PPP1R9A: variants seen among roughly 807,000 people sequenced by gnomAD.
PPP1R9A encodes the protein protein phosphatase 1 regulatory subunit 9A, also known as neurabin-1.
PPP1R9A carries 59 observed loss-of-function variants against 141.9 expected under a neutral mutation model. That is an observed-to-expected ratio of 0.42 (90% CI 0.34 to 0.52). PPP1R9A has a LOEUF of 0.52. Among genes scored for constraint, PPP1R9A ranks in the 20% least tolerant of loss-of-function variants. The pLI, the probability that PPP1R9A is intolerant of heterozygous loss-of-function variation, is 0.10. For missense variants in PPP1R9A, 1,444 were observed against 1,611.9 expected (o/e 0.90, Z 1.78); for synonymous variants, 500 against 569.7 (o/e 0.88, Z 1.74).
intron 18 of PPP1R9A, 35 bp from the exon 19 acceptor site, chr7:95,288,501 T>A (rs1472477931): frequency 1.4e-5 from 22 of 1,603,844 alleles, no homozygotes; most frequent in Non-Finnish European, 1.9e-5. Flanking sequence ...AGTATCTTGG[T>A]CCTTTAACAA....
intron 4 of PPP1R9A, among the ~76,000 whole-genome samples, chr7:95,144,994 A>G (rs534948134): frequency 1.1e-4 from 17 of 152,330 alleles, no homozygotes; most frequent in African/African-American, 3.6e-4. Flanking sequence ...ATAACATCAA[A>G]AAGAATAAAA....
chr7:95,269,318 G>GATAGCA lies in PPP1R9A; in HGVS notation c.2938_2943dup (p.Ser980_Asn981dup). On this transcript the variant is annotated inframe_insertion, in exon 14 of 20. Coordinates refer to ENST00000433360, the MANE Select transcript of PPP1R9A (RefSeq NM_001166160.2). Reference sequence around the variant, plus strand: ...TGGTGTTCCACCCCTCACCCCGGTGGATAGCAATGTGCCCTTCTCGTCTGA... The same window carrying GATAGCA: ...TGGTGTTCCACCCCTCACCCCGGTGGATAGCAATAGCAATGTGCCCTTCTCGTCTGA... The GATAGCA allele has an allele frequency of 6.3e-7, 1 of 1,598,376 alleles. No individual in the cohort carries two copies.
intron 6 of PPP1R9A, among the ~76,000 whole-genome samples, chr7:95,199,543 T>C (rs1425676702): frequency 6.6e-6 from 1 of 152,224 alleles, no homozygotes; most frequent in Non-Finnish European, 1.5e-5. Context: ...CTCATGAATA[T>C]GTGGTATAAT....
At chr7:95,031,368 A>G (rs1807656777) in intron 2 of PPP1R9A, among the ~76,000 whole-genome samples, 1 of 152,218 alleles carries the variant, frequency 6.6e-6, no homozygotes, top group South Asian at 2.1e-4. Context: ...TATTTAAAGA[A>G]ACCCTATTTG....
At chr7:95,152,225 C>A (rs1828831291) in intron 4 of PPP1R9A, among the ~76,000 whole-genome samples, 1 of 152,082 alleles carries the variant, frequency 6.6e-6, no homozygotes, top group Non-Finnish European at 1.5e-5. Context: ...GCTGGGATTA[C>A]AGAAGTGAGC....
At chr7:95,068,062 AAAC>A (rs1813206760) in intron 2 of PPP1R9A, among the ~76,000 whole-genome samples, 2 of 152,176 alleles carry the variant, frequency 1.3e-5, no homozygotes, top group Non-Finnish European at 2.9e-5. Context: ...GAACAAAAAC[AAAC>A]AACCAAAAAA....
At chr7:95,000,620 T>C (rs1802790366) in intron 2 of PPP1R9A, among the ~76,000 whole-genome samples, 1 of 152,194 alleles carries the variant, frequency 6.6e-6, no homozygotes, top group Non-Finnish European at 1.5e-5. Flanking sequence ...ATTTATCTTA[T>C]ATTGATAAAA....
intron 2 of PPP1R9A, among the ~76,000 whole-genome samples, chr7:95,066,885 C>G (rs1813024404): frequency 6.6e-6 from 1 of 152,154 alleles, no homozygotes; most frequent in South Asian, 2.1e-4. Flanking sequence ...AAGGAATTTT[C>G]ACCAAGACAT....
intron 2 of PPP1R9A, among the ~76,000 whole-genome samples, chr7:94,934,431 C>T (rs1382755344): frequency 6.6e-6 from 1 of 152,080 alleles, no homozygotes; most frequent in African/African-American, 2.4e-5. Flanking sequence ...AGCTTCTCAA[C>T]CTTTATTGTT....
intron 4 of PPP1R9A, among the ~76,000 whole-genome samples, chr7:95,132,933 A>C (rs1477206213): frequency 6.6e-6 from 1 of 152,176 alleles, no homozygotes; most frequent in Non-Finnish European, 1.5e-5. Flanking sequence ...TCCCCAAGAA[A>C]TGTTATACCT....
At chr7:95,263,095 C>T (rs1800686840) in intron 12 of PPP1R9A, among the ~76,000 whole-genome samples, 1 of 152,126 alleles carries the variant, frequency 6.6e-6, no homozygotes, top group African/African-American at 2.4e-5. Flanking sequence ...GACTGATAGT[C>T]ATGCAGATTT....
At chr7:94,947,323 C>T (rs1432446301) in intron 2 of PPP1R9A, among the ~76,000 whole-genome samples, 1 of 152,094 alleles carries the variant, frequency 6.6e-6, no homozygotes, top group East Asian at 1.9e-4. Context: ...GCCACCCTCT[C>T]CTGAATTCCT....
At chr7:95,207,359 T>C (rs192369960) in intron 7 of PPP1R9A, among the ~76,000 whole-genome samples, 5 of 152,278 alleles carry the variant, frequency 3.3e-5, no homozygotes, top group East Asian at 1.9e-4. Context: ...TAGTACAACT[T>C]TGATACCAGG....
At chr7:94,976,292 C>A (rs1198211508) in intron 2 of PPP1R9A, among the ~76,000 whole-genome samples, 2 of 150,206 alleles carry the variant, frequency 1.3e-5, no homozygotes, top group Non-Finnish European at 3.0e-5. Flanking sequence ...GATTTTAGTT[C>A]TTTGGTGAGT....
intron 3 of PPP1R9A, among the ~76,000 whole-genome samples, chr7:95,112,404 A>G (rs1584750957): frequency 1.3e-5 from 2 of 152,186 alleles, no homozygotes; most frequent in African/African-American, 4.8e-5. Flanking sequence ...TAATAAGTCA[A>G]AAACAGCAGA....
intron 2 of PPP1R9A, among the ~76,000 whole-genome samples, chr7:95,102,255 G>A (rs1818890282): frequency 6.6e-6 from 1 of 152,130 alleles, no homozygotes; most frequent in East Asian, 1.9e-4. Context: ...ATGCTCTATA[G>A]GATTGTGTAT....
At chr7:95,262,465 A>G (rs1236441730) in intron 12 of PPP1R9A, among the ~76,000 whole-genome samples, 4 of 152,066 alleles carry the variant, frequency 2.6e-5, no homozygotes, top group Non-Finnish European at 5.9e-5. Context: ...GAATCAAGCA[A>G]CTCTTACAAG....
chr7:94,983,512 G>C (rs1047392315), intron 2 of PPP1R9A, among the ~76,000 whole-genome samples: 1 of 152,108 alleles, frequency 6.6e-6, no homozygotes, highest in African/African-American at 2.4e-5. Flanking sequence ...TCATTGAGCA[G>C]TGGTTTGTAG....
At chr7:95,036,729 C>T (rs866711474) in intron 2 of PPP1R9A, 1 of 152,216 alleles carries the variant, frequency 6.6e-6, no homozygotes, top group Admixed American at 6.5e-5. Flanking sequence ...TGTTCATTAT[C>T]TTAGATGAAT....
Sources: allele counts gnomAD v4.1 joint callset (sites outside exome capture counted in the v4.1 genomes callset), GRCh38; gene constraint gnomAD v4.1.1; transcripts MANE v1.5; gene names NCBI Gene and HGNC (gene_info 2026-07-23, HGNC 2026-07-21).